Variants in GNA12 observed in about 807,000 individuals in gnomAD.
GNA12 encodes the protein G protein subunit alpha 12.
GNA12 carries 9 observed loss-of-function variants against 26.0 expected under a neutral mutation model. The observed-to-expected ratio is 0.35, with a 90% CI of 0.21 to 0.60. The LOEUF (loss-of-function observed/expected upper bound fraction) is 0.60, where lower values mean the gene tolerates loss of function less well. Among genes scored for constraint, GNA12 ranks in the 20% least tolerant of loss-of-function variants. GNA12 has a pLI of 0.78. For synonymous variants in GNA12, 264 were observed against 219.6 expected, an observed-to-expected ratio of 1.20 and a Z score of -1.79; for missense variants, 405 against 525.8, an observed-to-expected ratio of 0.77 and a Z score of 2.25.
chr7:2,755,255 G>T (rs748694672), intron 2 of GNA12, among the ~76,000 whole-genome samples: 1 of 152,074 alleles, frequency 6.6e-6, no homozygotes, highest in African/African-American at 2.4e-5. Flanking sequence ...GTGCCTTTCC[G>T]CATACATTTT....
At chr7:2,742,771 G>A (rs1344681411) in intron 2 of GNA12, among the ~76,000 whole-genome samples, 1 of 152,142 alleles carries the variant, frequency 6.6e-6, no homozygotes, top group East Asian at 1.9e-4. Flanking sequence ...TTATTCTCAG[G>A]TATGTAATCT....
At chr7:2,756,676 G>C (rs1422014423) in intron 2 of GNA12, among the ~76,000 whole-genome samples, 1 of 152,222 alleles carries the variant, frequency 6.6e-6, no homozygotes, top group Non-Finnish European at 1.5e-5. Context: ...AAAGATTTCT[G>C]TGCTGTCAGA....
intron 2 of GNA12, among the ~76,000 whole-genome samples, chr7:2,780,808 T>C (rs60730983): frequency 0.044 from 6,668 of 152,294 alleles, 512 homozygotes; most frequent in African/African-American, 0.15. Flanking sequence ...GAGGAACATT[T>C]GGATTTTTTC....
intron 2 of GNA12, among the ~76,000 whole-genome samples, chr7:2,734,746 C>T (rs1220367105): frequency 6.6e-6 from 1 of 152,190 alleles, no homozygotes; most frequent in Non-Finnish European, 1.5e-5. Flanking sequence ...GACAGAAACA[C>T]ACGTCTCCCC....
chr7:2,796,746 T>A (rs1159946686), intron 1 of GNA12, among the ~76,000 whole-genome samples: 1 of 152,196 alleles, frequency 6.6e-6, no homozygotes, highest in Non-Finnish European at 1.5e-5. Context: ...GTTCTGCCCC[T>A]TCTTACCTCA....
At chr7:2,833,565 G>C (rs945002333) in intron 1 of GNA12, among the ~76,000 whole-genome samples, 2 of 152,196 alleles carry the variant, frequency 1.3e-5, no homozygotes, top group African/African-American at 4.8e-5. Flanking sequence ...CATGTGTTCT[G>C]AATCCCCAAA....
chr7:2,838,235 T>C (rs1240001213), intron 1 of GNA12, among the ~76,000 whole-genome samples: 4 of 143,740 alleles, frequency 2.8e-5, no homozygotes, highest in African/African-American at 1.0e-4. Flanking sequence ...ATGTATACTG[T>C]AAACCTAGGG....
chr7:2,735,816 G>C (rs1023922083), intron 2 of GNA12, among the ~76,000 whole-genome samples: 1 of 152,180 alleles, frequency 6.6e-6, no homozygotes, highest in African/African-American at 2.4e-5. Context: ...AAACAGCCCA[G>C]GGGGTCCGTG....
chr7:2,822,793 C>A (rs976145397), intron 1 of GNA12, among the ~76,000 whole-genome samples: 1 of 152,194 alleles, frequency 6.6e-6, no homozygotes, highest in African/African-American at 2.4e-5. Context: ...GCCTGGGCGA[C>A]AGAGTAAGAC....
rs756982785 is a variant in GNA12, at chr7:2,731,643, C to T, written c.684G>A (p.Val228=). 17 of 1,613,714 alleles carry T rather than the reference C, an allele frequency of 1.1e-5. No homozygotes were observed. The South Asian group carries it at 1.5e-4, about 15-fold the overall frequency. The change falls in exon 4 of 4, where the codon GTG becomes GTA. Residue 228 remains valine (V), a synonymous_variant. Transcript: ENST00000275364. This position sits in a 1 kb window ranked among gnomAD's most constrained non-coding sequence, Gnocchi z 6.0. The part of the protein sequence containing the change: ...IKKIPFKMVD[V]GGQRSQRQKW... ...TCTGGCGCTGGGACCGCTGGCCGCC[C>T]ACATCCACCATCTTAAAGGGGATCT...
chr7:2,738,678 G>A (rs1790337908), intron 2 of GNA12, among the ~76,000 whole-genome samples: 1 of 151,900 alleles, frequency 6.6e-6, no homozygotes, highest in African/African-American at 2.4e-5. Context: ...GAGTATGTCT[G>A]ACTTTGGAAC....
intron 1 of GNA12, among the ~76,000 whole-genome samples, chr7:2,804,906 T>TAAA (rs34095388): frequency 6.7e-6 from 1 of 148,498 alleles, no homozygotes; most frequent in Non-Finnish European, 1.5e-5. Context: ...TAAAATAAAT[T>TAAA]AAAAAAAAAA....
intron 1 of GNA12, 28 bp downstream of exon 1, chr7:2,843,825 C>T (rs1338548181): frequency 2.2e-6 from 3 of 1,345,478 alleles, no homozygotes; most frequent in Non-Finnish European, 3.0e-6. Flanking sequence ...CACCTGGGTG[C>T]AGGTGCTGGG....
intron 2 of GNA12, among the ~76,000 whole-genome samples, chr7:2,783,234 G>A (rs1198320361): frequency 6.6e-6 from 1 of 152,208 alleles, no homozygotes; most frequent in African/African-American, 2.4e-5. Flanking sequence ...TGTCTTTCCA[G>A]AGAAAGTTGG....
chr7:2,733,844 A>C (rs554206146), intron 2 of GNA12, among the ~76,000 whole-genome samples: 2 of 152,318 alleles, frequency 1.3e-5, no homozygotes, highest in South Asian at 4.1e-4. Context: ...TGCGGCCAGC[A>C]AAGGACAGGC....
chr7:2,802,393 T>TG lies in GNA12; in HGVS notation c.310-7251dup, dbSNP rs1309537165. On this transcript the variant is annotated intron_variant, in intron 1 of 3. Transcript: ENST00000275364. ...CTCTGCTGGGGATGTAGATTTTTTT[T>TG]GGGGGGGTGGGGGGTGGGGTTCAAT... is the stretch of plus-strand genomic sequence containing the variant. Among the ~76,000 whole-genome samples, 19 of 106,148 alleles carry TG rather than the reference T, an allele frequency of 1.8e-4. No individual in the cohort carries two copies. The South Asian group carries it at 2.0e-3, about 11-fold the overall frequency. 69.6% of individuals were successfully genotyped at this position (106,148 alleles called of 152,430 possible). A position where few individuals can be genotyped will look rare whatever the true frequency, so the allele number is the denominator to read the frequency against.
intron 1 of GNA12, among the ~76,000 whole-genome samples, chr7:2,836,872 C>T (rs948559772): frequency 4.6e-5 from 7 of 152,144 alleles, no homozygotes; most frequent in Admixed American, 6.5e-5. Flanking sequence ...TGCAGTGAGC[C>T]AGGATTGCGC....
chr7:2,812,186 C>A (rs1265945992), intron 1 of GNA12, among the ~76,000 whole-genome samples: 3 of 152,236 alleles, frequency 2.0e-5, no homozygotes, highest in Admixed American at 6.5e-5. Context: ...TAATCTGTTT[C>A]AAGAAAGTCA....
intron 2 of GNA12, among the ~76,000 whole-genome samples, chr7:2,746,974 A>T (rs1173809707): frequency 6.6e-6 from 1 of 152,242 alleles, no homozygotes; most frequent in African/African-American, 2.4e-5. Flanking sequence ...ACCAGGAAGA[A>T]GTTGAATCTC....
Sources: allele counts gnomAD v4.1 joint callset (sites outside exome capture counted in the v4.1 genomes callset), GRCh38; gene constraint gnomAD v4.1.1; non-coding constraint Gnocchi (gnomAD v3.1); transcripts MANE v1.5; gene names NCBI Gene and HGNC (gene_info 2026-07-23, HGNC 2026-07-21).